DLG2: variants seen among roughly 807,000 people sequenced by gnomAD.
The protein encoded by DLG2 is disks large homolog 2.
A neutral mutation model predicts 132.5 loss-of-function variants in DLG2; 45 were observed. The ratio of observed to expected loss-of-function variants is 0.34; its 90% CI spans 0.27 to 0.44. DLG2 has a LOEUF of 0.44. Ranked by LOEUF, DLG2 falls within the 20% of genes least tolerant of loss-of-function variation. The pLI is 1.00. For synonymous variants in DLG2, 424 were observed against 419.6 expected, an observed-to-expected ratio of 1.01 and a Z score of -0.13; for missense variants, 1,045 against 1,196.9, an observed-to-expected ratio of 0.87 and a Z score of 1.87.
At chr11:84,618,937 A>G (rs768844314) in intron 6 of DLG2, among the ~76,000 whole-genome samples, 8 of 152,074 alleles carry the variant, frequency 5.3e-5, no homozygotes, top group Non-Finnish European at 1.0e-4. Context: ...ACTACCCAAG[A>G]AGGCGATTGT....
intron 6 of DLG2, among the ~76,000 whole-genome samples, chr11:84,735,496 T>C (rs1000228074): frequency 6.6e-5 from 10 of 152,168 alleles, no homozygotes; most frequent in African/African-American, 2.4e-4. Context: ...CCTTTTATCA[T>C]TTTTTATTGC....
chr11:84,195,157 A>AT (rs531279478), intron 8 of DLG2, among the ~76,000 whole-genome samples: 1 of 151,744 alleles, frequency 6.6e-6, no homozygotes, highest in African/African-American at 2.4e-5. Flanking sequence ...TCTACTCTTC[A>AT]TTTTTTTATT....
chr11:84,724,248 G>T (rs2153802129), intron 6 of DLG2, among the ~76,000 whole-genome samples: 1 of 152,016 alleles, frequency 6.6e-6, no homozygotes, highest in Non-Finnish European at 1.5e-5. Flanking sequence ...TGCTTCCAAT[G>T]TTGAAGTTCT....
chr11:84,263,987 T>A (rs912338985), intron 7 of DLG2, among the ~76,000 whole-genome samples: 2 of 152,172 alleles, frequency 1.3e-5, no homozygotes, highest in Non-Finnish European at 2.9e-5. Flanking sequence ...TTTTCCCTTA[T>A]TTTAAATTCT....
chr11:83,758,341 C>T (rs777687878), intron 18 of DLG2, among the ~76,000 whole-genome samples: 1 of 152,116 alleles, frequency 6.6e-6, no homozygotes, highest in Non-Finnish European at 1.5e-5. Flanking sequence ...CCCTCTCCAC[C>T]CACTCCCCAT....
Position 83,633,341 on chromosome 11 carries a change from A to C in DLG2, c.1826-16T>G, listed in dbSNP as rs983512164. 6.2e-7 allele frequency: 1 copy of C among 1,609,256 alleles called. No individual in the cohort carries two copies. Among genetic ancestry groups the C allele is most frequent in the Non-Finnish European group, 8.5e-7 (1 of 1,176,970 alleles). ...CGAGCGTAATCTGGGAATGAAAACA[A>C]AGGTAGCAAATTTTGCTCTGTGCCC... is the stretch of plus-strand genomic sequence containing the variant. On this transcript the variant is annotated splice_polypyrimidine_tract_variant and intron_variant, in intron 18 of 27. Transcript: ENST00000376104.
chr11:84,972,796 A>T (rs539372425), intron 6 of DLG2, among the ~76,000 whole-genome samples: 34 of 152,004 alleles, frequency 2.2e-4, no homozygotes, highest in African/African-American at 8.2e-4. Flanking sequence ...CAAACATTTA[A>T]AAACAGCTCC....
chr11:83,903,896 C>T (rs977723846), intron 15 of DLG2, among the ~76,000 whole-genome samples: 14 of 152,004 alleles, frequency 9.2e-5, no homozygotes, highest in Non-Finnish European at 1.8e-4. Flanking sequence ...TGGTAATGGA[C>T]CCTACAAATA....
At chr11:84,503,022 G>C (rs2099226174) in intron 7 of DLG2, among the ~76,000 whole-genome samples, 1 of 152,190 alleles carries the variant, frequency 6.6e-6, no homozygotes, top group South Asian at 2.1e-4. Flanking sequence ...AAGTGGGACT[G>C]AAGAGATTCT....
intron 6 of DLG2, among the ~76,000 whole-genome samples, chr11:84,713,383 A>T (rs916916822): frequency 2.0e-5 from 3 of 152,110 alleles, no homozygotes; most frequent in Non-Finnish European, 1.5e-5. Context: ...AAGTGAGTTG[A>T]CATTTCTGAA....
intron 19 of DLG2, among the ~76,000 whole-genome samples, chr11:83,559,644 A>G (rs987715517): frequency 1.3e-5 from 2 of 152,214 alleles, no homozygotes; most frequent in Admixed American, 1.3e-4. Flanking sequence ...TGTACCTAAA[A>G]TACTATATTT....
chr11:85,029,927 C>T (rs904346847), intron 6 of DLG2, among the ~76,000 whole-genome samples: 3 of 152,114 alleles, frequency 2.0e-5, no homozygotes, highest in Admixed American at 6.5e-5. Context: ...ACCATGTTAA[C>T]CAGGCTGGTC....
chr11:85,605,720 T>C (rs148550044), intron 2 of DLG2, among the ~76,000 whole-genome samples: 77 of 152,348 alleles, frequency 5.1e-4, no homozygotes, highest in Non-Finnish European at 9.3e-4. Context: ...GGCTCACGCC[T>C]GTAATACCAG....
chr11:84,307,701 A>C (rs1458250540), intron 7 of DLG2, among the ~76,000 whole-genome samples: 3 of 110,698 alleles, frequency 2.7e-5, no homozygotes, highest in Non-Finnish European at 6.3e-5. Context: ...GTCTCAAAAA[A>C]AAAAAAAAAA....
chr11:83,808,400 A>T (rs550564226), intron 17 of DLG2, among the ~76,000 whole-genome samples: 37 of 152,250 alleles, frequency 2.4e-4, no homozygotes, highest in African/African-American at 8.4e-4. Flanking sequence ...GGTTCTGATC[A>T]GCGGTGGGCT....
chr11:85,028,107 TC>T (rs1230972984), intron 6 of DLG2, among the ~76,000 whole-genome samples: 1 of 151,780 alleles, frequency 6.6e-6, no homozygotes, highest in Non-Finnish European at 1.5e-5. Context: ...CTGAGAAGTA[TC>T]CAGCTGTCAA....
rs114996649 is a variant in DLG2, at chr11:84,781,970, T to C, written c.358-247239A>G. On this transcript the variant is annotated intron_variant, in intron 6 of 27. Transcript: ENST00000376104. ...AGCAGAATTGAAGCCCAAATAGGAATCAAGATAGAGCCAAGTCATCGATCT... is the reference window on the plus strand; with the variant it reads ...AGCAGAATTGAAGCCCAAATAGGAACCAAGATAGAGCCAAGTCATCGATCT... Among the ~76,000 whole-genome samples, 966 of 152,038 alleles carry C rather than the reference T, an allele frequency of 6.4e-3. 13 individuals are homozygous for C. Among genetic ancestry groups the C allele is most frequent in the African/African-American group, 0.021 (880 of 41,436 alleles).
chr11:85,364,425 T>C (rs2084383628), intron 3 of DLG2, among the ~76,000 whole-genome samples: 1 of 152,212 alleles, frequency 6.6e-6, no homozygotes, highest in African/African-American at 2.4e-5. Context: ...GATTAGTATA[T>C]AATAAATACC....
intron 4 of DLG2, among the ~76,000 whole-genome samples, chr11:85,272,085 GA>G (rs1223021221): frequency 6.6e-6 from 1 of 152,146 alleles, no homozygotes; most frequent in African/African-American, 2.4e-5. Context: ...TTGTGGGAGG[GA>G]CCTGGTGAGA....
Sources: allele counts gnomAD v4.1 joint callset (sites outside exome capture counted in the v4.1 genomes callset), GRCh38; gene constraint gnomAD v4.1.1; transcripts MANE v1.5; gene names NCBI Gene and HGNC (gene_info 2026-07-23, HGNC 2026-07-21).